DAB1: variants seen among roughly 807,000 people sequenced by gnomAD.
DAB1 encodes DAB adaptor protein 1.
A neutral mutation model predicts 64.6 loss-of-function variants in DAB1; 15 were observed. The observed-to-expected ratio is 0.23, with a 90% CI of 0.16 to 0.36. The LOEUF (loss-of-function observed/expected upper bound fraction) is 0.36. DAB1 is among the 10% of genes least tolerant of loss of function. The pLI is 1.00. For synonymous variants in DAB1, 235 were observed against 251.9 expected (o/e 0.93, Z 0.64); for missense variants, 596 against 706.7 (o/e 0.84, Z 1.78).
rs188366398 is a variant in DAB1, at chr1:57,755,153, C to A, written n.552-105488G>T. 1.9e-3 allele frequency among the ~76,000 whole-genome samples: 288 copies of A among 152,196 alleles called. 1 individual carries two copies. Among genetic ancestry groups the A allele is most frequent in the African/African-American group, 6.7e-3 (277 of 41,526 alleles). On this transcript the variant is annotated intron_variant and non_coding_transcript_variant, in intron 6 of 20. Transcript: ENST00000485760. ...CTTTCTCTCCTCCTCTTTCAAAGAT[C>A]TTTGGCTTTTCTTGGCCGTTTCCTG...
upstream of DAB1, among the ~76,000 whole-genome samples, chr1:57,887,754 T>C (rs1644246136): frequency 6.6e-6 from 1 of 152,204 alleles, no homozygotes; most frequent in Non-Finnish European, 1.5e-5. Flanking sequence ...AAGTAAACAT[T>C]CTATTAAAAG....
At chr1:57,164,595 G>A (rs1275912267) in intron 2 of DAB1, among the ~76,000 whole-genome samples, 2 of 152,110 alleles carry the variant, frequency 1.3e-5, no homozygotes, top group Non-Finnish European at 2.9e-5. Flanking sequence ...CTCACCTAGT[G>A]ACCAGCATCG....
chr1:58,436,390 G>C (rs953929580), intron 3 of DAB1, among the ~76,000 whole-genome samples: 1 of 152,206 alleles, frequency 6.6e-6, no homozygotes, highest in African/African-American at 2.4e-5. Flanking sequence ...CAGGTATGTG[G>C]GAATGGGGAG....
intron 2 of DAB1, among the ~76,000 whole-genome samples, chr1:57,289,248 A>C (rs1672574996): frequency 6.6e-6 from 1 of 152,220 alleles, no homozygotes. Flanking sequence ...ATGAAGAATG[A>C]AAAAATATGC....
At chr1:58,129,336 A>T in intron 5 of DAB1, among the ~76,000 whole-genome samples, 1 of 146,638 alleles carries the variant, frequency 6.8e-6, no homozygotes, top group African/African-American at 2.5e-5. Context: ...TGTCTATTTG[A>T]TTCTTCTCTC....
At position 57,253,730 on chromosome 1, in the gene DAB1, G is replaced by A. The variant is rs185859381; in HGVS notation, c.67+37234C>T. On this transcript the variant is annotated intron_variant, in intron 2 of 14. Coordinates refer to ENST00000371236, the MANE Select transcript of DAB1 (RefSeq NM_001365792.1). ...TATTTTTCATAGAAAACTTTCTTGT[G>A]TCAAAAATCTTATTACAACCATCCT... 8.5e-5 allele frequency among the ~76,000 whole-genome samples: 13 copies of A among 152,226 alleles called. No homozygotes were observed. In the East Asian group the frequency reaches 2.5e-3, roughly 29 times the overall value.
At chr1:58,028,083 C>T (rs1331346495) in intron 5 of DAB1, among the ~76,000 whole-genome samples, 6 of 152,174 alleles carry the variant, frequency 3.9e-5, no homozygotes, top group Non-Finnish European at 8.8e-5. Context: ...CATCATAGAA[C>T]ATCAATACAC....
At chr1:58,378,970 G>A (rs1467096856) in intron 3 of DAB1, among the ~76,000 whole-genome samples, 5 of 138,214 alleles carry the variant, frequency 3.6e-5, no homozygotes, top group Admixed American at 7.0e-5. Flanking sequence ...CCCTTTCTTT[G>A]ACTCGGAAAG....
At chr1:58,295,253 AT>A (rs1200395755) in intron 4 of DAB1, among the ~76,000 whole-genome samples, 3 of 152,106 alleles carry the variant, frequency 2.0e-5, no homozygotes, top group Non-Finnish European at 4.4e-5. Flanking sequence ...CTTGGAAGAA[AT>A]TTGCTGAATT....
chr1:58,260,813 C>A (rs978750904), intron 4 of DAB1, among the ~76,000 whole-genome samples: 1 of 152,134 alleles, frequency 6.6e-6, no homozygotes, highest in African/African-American at 2.4e-5. Context: ...GGGACTCAAC[C>A]TCTGCCATGC....
In DAB1 at chr1:57,949,459, TTATCTATCTATC is replaced by T. The variant is rs71051263; in HGVS notation, n.388-65309_388-65298del. 2.8e-3 allele frequency among the ~76,000 whole-genome samples: 412 copies of T among 146,362 alleles called. 2 individuals are homozygous for T. The highest frequency in any genetic ancestry group is 3.6e-3 in the African/African-American group (143 of 39,278). On this transcript the variant is annotated intron_variant and non_coding_transcript_variant, in intron 5 of 20. Transcript: ENST00000485760. ...GGAGATGCCTGTGTTAAGCAATTCT[TTATCTATCTATC>T]TATCTATCTATCTATCTATCTATCT...
intron 6 of DAB1, among the ~76,000 whole-genome samples, chr1:57,795,261 T>A (rs552438610): frequency 6.6e-6 from 1 of 152,300 alleles, no homozygotes; most frequent in East Asian, 1.9e-4. Flanking sequence ...CTAAAAAAAA[T>A]TGTTAGCAGA....
intron 5 of DAB1, among the ~76,000 whole-genome samples, chr1:57,902,794 G>A (rs1009876486): frequency 6.6e-6 from 1 of 152,146 alleles, no homozygotes; most frequent in African/African-American, 2.4e-5. Flanking sequence ...TCTGTGGAGT[G>A]CAATTTGAGA....
intron 4 of DAB1, among the ~76,000 whole-genome samples, chr1:58,327,500 G>A (rs1662861641): frequency 6.6e-6 from 1 of 152,166 alleles, no homozygotes; most frequent in East Asian, 1.9e-4. Flanking sequence ...AAATTCTGGA[G>A]GTTTAAACCC....
intron 6 of DAB1, among the ~76,000 whole-genome samples, chr1:57,696,831 C>T (rs527387324): frequency 6.6e-6 from 1 of 152,282 alleles, no homozygotes; most frequent in East Asian, 1.9e-4. Context: ...ATTTTCAAAG[C>T]ATCATTCCTG....
intron 1 of DAB1, among the ~76,000 whole-genome samples, chr1:57,393,462 A>G (rs1682554596): frequency 2.0e-5 from 3 of 151,982 alleles, no homozygotes; most frequent in Admixed American, 2.0e-4. Context: ...GGAGATGGAG[A>G]CAGGTGACTG....
At chr1:57,203,851 T>A (rs1365537454) in intron 2 of DAB1, among the ~76,000 whole-genome samples, 1 of 152,196 alleles carries the variant, frequency 6.6e-6, no homozygotes, top group Non-Finnish European at 1.5e-5. Flanking sequence ...ACCTCTTTGA[T>A]GTGGCTCAAC....
chr1:58,387,485 T>C (rs915332866), intron 3 of DAB1, among the ~76,000 whole-genome samples: 3 of 152,158 alleles, frequency 2.0e-5, no homozygotes, highest in African/African-American at 4.8e-5. Context: ...ACAAAGTTCC[T>C]CTGAGCTCTT....
chr1:57,186,901 G>A (rs1284445475), intron 2 of DAB1, among the ~76,000 whole-genome samples: 1 of 152,176 alleles, frequency 6.6e-6, no homozygotes, highest in Non-Finnish European at 1.5e-5. Context: ...GGGAGGTCTT[G>A]AAAATTCCTA....
Sources: allele counts gnomAD v4.1 joint callset (sites outside exome capture counted in the v4.1 genomes callset), GRCh38; gene constraint gnomAD v4.1.1; transcripts MANE v1.5; gene names NCBI Gene and HGNC (gene_info 2026-07-23, HGNC 2026-07-21).